The following MYO1H variants were observed in gnomAD, a reference collection of about 807,000 sequenced individuals.
MYO1H encodes unconventional myosin-Ih.
In MYO1H, 118 loss-of-function variants were observed where a neutral mutation model predicts 149.3. The ratio of observed to expected loss-of-function variants is 0.79; its 90% CI spans 0.68 to 0.92. The LOEUF is 0.92. Among genes scored for constraint, MYO1H ranks in the 40% least tolerant of loss-of-function variants. The probability of loss-of-function intolerance (pLI) is 0.00; values close to 1 mark genes in which losing one functional copy is unlikely to be tolerated. For synonymous variants in MYO1H, 447 were observed against 465.2 expected (o/e 0.96, Z 0.50); for missense variants, 1,212 against 1,280.7 (o/e 0.95, Z 0.82).
intron 14 of MYO1H, among the ~76,000 whole-genome samples, chr12:109,412,485 A>G (rs910784908): frequency 6.6e-6 from 1 of 152,192 alleles, no homozygotes; most frequent in African/African-American, 2.4e-5. Context: ...AAAAGATTTT[A>G]TATCTTCCTT....
upstream of MYO1H, among the ~76,000 whole-genome samples, chr12:109,344,447 G>A (rs773995036): frequency 5.9e-5 from 9 of 152,106 alleles, no homozygotes; most frequent in South Asian, 2.1e-4. Flanking sequence ...AGACTTGAAC[G>A]CTGAAAACTA....
intron 14 of MYO1H, among the ~76,000 whole-genome samples, chr12:109,414,968 T>C (rs1260128778): frequency 1.3e-5 from 2 of 152,094 alleles, no homozygotes. Flanking sequence ...TGCCTCAGCC[T>C]CCCAAAGTAC....
the MYO1H span, among the ~76,000 whole-genome samples, chr12:109,340,388 C>A: frequency 1.3e-5 from 2 of 152,098 alleles, no homozygotes; most frequent in African/African-American, 4.8e-5. Flanking sequence ...AGGCTGGTCT[C>A]GAACTCCTGA....
At chr12:109,353,706 C>A (rs567902685) in intron 1 of MYO1H, among the ~76,000 whole-genome samples, 3 of 152,142 alleles carry the variant, frequency 2.0e-5, no homozygotes, top group Non-Finnish European at 4.4e-5. Flanking sequence ...GGCTGGAGTG[C>A]AGTGGCACCA....
exon 11 of MYO1H, chr12:109,409,601 G>T: frequency 1.9e-6 from 3 of 1,613,686 alleles, no homozygotes; most frequent in Non-Finnish European, 2.5e-6. Flanking sequence ...ACATCTATGG[G>T]TTTGAAGTCT....
the MYO1H span, among the ~76,000 whole-genome samples, chr12:109,338,765 CAAAAAAAAAAAAA>C: frequency 1.1e-5 from 1 of 87,350 alleles, no homozygotes; most frequent in Admixed American, 1.2e-4. Flanking sequence ...GACTCCATCT[CAAAAAAAAAAAAA>C]AAAAAAAAAA....
At chr12:109,400,371 C>T (rs1223294170) in intron 5 of MYO1H, among the ~76,000 whole-genome samples, 1 of 152,144 alleles carries the variant, frequency 6.6e-6, no homozygotes, top group Non-Finnish European at 1.5e-5. Flanking sequence ...TATTCTTCAT[C>T]CTTTTGAGAA....
chr12:109,347,901 G>A (rs962996848), upstream of MYO1H: 1 of 399,048 alleles, frequency 2.5e-6, no homozygotes, highest in African/African-American at 2.1e-5. Context: ...TCAGTGGGAA[G>A]CAACTTTTGA....
At chr12:109,341,285 A>T in the MYO1H span, among the ~76,000 whole-genome samples, 21 of 150,072 alleles carry the variant, frequency 1.4e-4, no homozygotes, top group African/African-American at 4.4e-4. Flanking sequence ...AATATTGTCT[A>T]TGTCTGTTTC....
At chr12:109,428,256 G>A (rs930932082) in intron 19 of MYO1H, among the ~76,000 whole-genome samples, 1 of 152,084 alleles carries the variant, frequency 6.6e-6, no homozygotes, top group Admixed American at 6.6e-5. Flanking sequence ...ATTAGCAGGA[G>A]AAGCTAAGTC....
chr12:109,446,502 G>A (rs1872484724), intron 31 of MYO1H: 10 of 981,636 alleles, frequency 1.0e-5, no homozygotes, highest in South Asian at 4.7e-5. Context: ...GGTGGCTCAC[G>A]CCTATAATCC....
intron 5 of MYO1H, among the ~76,000 whole-genome samples, chr12:109,400,344 A>T (rs1171374624): frequency 1.3e-5 from 2 of 152,130 alleles, no homozygotes; most frequent in Non-Finnish European, 2.9e-5. Context: ...GTTGCTCCAT[A>T]CCCTTGCCAA....
chr12:109,311,148 A>G, the MYO1H span, among the ~76,000 whole-genome samples: 5 of 152,218 alleles, frequency 3.3e-5, no homozygotes, highest in African/African-American at 1.2e-4. Flanking sequence ...TTGGAAAGAA[A>G]TTGTCTCTTC....
At chr12:109,403,953 A>G in intron 6 of MYO1H, 29 bp from the exon 7 acceptor site, 1 of 1,525,158 alleles carries the variant, frequency 6.6e-7, no homozygotes, top group Non-Finnish European at 9.1e-7. Context: ...TAAAAATGAC[A>G]TTAAGTGACT....
chr12:109,417,701 T>C (rs1056593204), intron 15 of MYO1H, among the ~76,000 whole-genome samples: 2 of 152,230 alleles, frequency 1.3e-5, no homozygotes, highest in Non-Finnish European at 2.9e-5. Context: ...TGCATTTCTC[T>C]AATGACCTAT....
the MYO1H span, among the ~76,000 whole-genome samples, chr12:109,317,705 A>C: frequency 1.3e-5 from 2 of 152,238 alleles, no homozygotes; most frequent in East Asian, 3.9e-4. Context: ...TACAGCCTCC[A>C]CTCTGGTTTT....
exon 1 of MYO1H, chr12:109,347,949 C>A: frequency 2.5e-6 from 1 of 399,004 alleles, no homozygotes; most frequent in Middle Eastern, 6.3e-4. Flanking sequence ...ACCTGCTCTC[C>A]CTCTGTGCGT....
At chr12:109,388,785 A>G (rs570096989) in exon 2 of MYO1H, 49 of 1,613,238 alleles carry the variant, frequency 3.0e-5, no homozygotes, top group South Asian at 7.7e-5. Flanking sequence ...GGACGCGTAC[A>G]CCAGCGAATC....
At chr12:109,393,692 G>C (rs151316589) in intron 3 of MYO1H, among the ~76,000 whole-genome samples, 3 of 150,996 alleles carry the variant, frequency 2.0e-5, no homozygotes, top group Non-Finnish European at 4.4e-5. Flanking sequence ...CCTATCCATC[G>C]ATACATCCAT....
Sources: allele counts gnomAD v4.1 joint callset (sites outside exome capture counted in the v4.1 genomes callset), GRCh38; gene constraint gnomAD v4.1.1; transcripts MANE v1.5; gene names NCBI Gene and HGNC (gene_info 2026-07-23, HGNC 2026-07-21).